FA2H: variants seen among roughly 807,000 people sequenced by gnomAD.
FA2H encodes the protein fatty acid alpha-hydroxylase.
In FA2H, 22 loss-of-function variants were observed where a neutral mutation model predicts 44.9. The observed-to-expected ratio is 0.49, with a 90% confidence interval of 0.35 to 0.70. The LOEUF is 0.70. FA2H is among the 30% of genes least tolerant of loss of function. The pLI, the probability that FA2H is intolerant of heterozygous loss-of-function variation, is 0.01. For missense variants in FA2H, 501 were observed against 504.9 expected (o/e 0.99, Z 0.07); for synonymous variants, 243 against 213.2 (o/e 1.14, Z -1.22).
chr16:74,730,880 T>C (rs1962058267), intron 2 of FA2H, among the ~76,000 whole-genome samples: 1 of 152,144 alleles, frequency 6.6e-6, no homozygotes, highest in Non-Finnish European at 1.5e-5. Flanking sequence ...CGAGGCTGAG[T>C]AATCTGCCCA....
At chr16:74,724,435 T>C (rs542131770) in intron 4 of FA2H, among the ~76,000 whole-genome samples, 46 of 152,316 alleles carry the variant, frequency 3.0e-4, no homozygotes, top group East Asian at 2.5e-3. Flanking sequence ...CATTTTCATG[T>C]GCGCATCTAG....
At chr16:74,736,767 C>T (rs1251861361) in intron 2 of FA2H, among the ~76,000 whole-genome samples, 4 of 152,262 alleles carry the variant, frequency 2.6e-5, no homozygotes, top group African/African-American at 9.6e-5. Context: ...CCTCCTCCCT[C>T]CCTCTGCCAC....
At chr16:74,750,366 A>C (rs987066472) in intron 1 of FA2H, among the ~76,000 whole-genome samples, 3 of 152,236 alleles carry the variant, frequency 2.0e-5, no homozygotes, top group African/African-American at 7.2e-5. Context: ...AAGACTATTG[A>C]TTTACAAACA....
At chr16:74,761,178 G>A (rs1161620887) in intron 1 of FA2H, among the ~76,000 whole-genome samples, 1 of 152,148 alleles carries the variant, frequency 6.6e-6, no homozygotes, top group Non-Finnish European at 1.5e-5. Context: ...AGGGTCGGGC[G>A]CGGTGGTTCA....
intron 2 of FA2H, among the ~76,000 whole-genome samples, chr16:74,734,372 G>A (rs1272844948): frequency 6.6e-6 from 1 of 152,278 alleles, no homozygotes; most frequent in Non-Finnish European, 1.5e-5. Flanking sequence ...AAACTGCTCT[G>A]GAATGAGCAG....
At chr16:74,733,288 G>A (rs1354219736) in intron 2 of FA2H, among the ~76,000 whole-genome samples, 1 of 152,150 alleles carries the variant, frequency 6.6e-6, no homozygotes, top group Non-Finnish European at 1.5e-5. Flanking sequence ...CCTCAGTCTC[G>A]CTATTCCAGG....
At chr16:74,752,738 C>T (rs531372726) in intron 1 of FA2H, among the ~76,000 whole-genome samples, 50 of 152,318 alleles carry the variant, frequency 3.3e-4, no homozygotes, top group Admixed American at 6.5e-4. Flanking sequence ...GAGCAGGAGG[C>T]AGCCCCGTGA....
At chr16:74,730,235 G>C (rs1334677144) in intron 2 of FA2H, among the ~76,000 whole-genome samples, 1 of 152,124 alleles carries the variant, frequency 6.6e-6, no homozygotes, top group Non-Finnish European at 1.5e-5. Flanking sequence ...CCAGGGTGAA[G>C]GGCCCAAAGG....
intron 4 of FA2H, among the ~76,000 whole-genome samples, chr16:74,720,077 G>A (rs1228367058): frequency 6.7e-6 from 1 of 149,910 alleles, no homozygotes; most frequent in Non-Finnish European, 1.5e-5. Context: ...GAGACAGCCT[G>A]CAGTCCTAGC....
chr16:74,741,697 G>A (rs1962298496), intron 1 of FA2H, among the ~76,000 whole-genome samples: 1 of 149,596 alleles, frequency 6.7e-6, no homozygotes, highest in Non-Finnish European at 1.5e-5. Flanking sequence ...CTGACCTCAG[G>A]TGATCTGCCC....
intron 1 of FA2H, among the ~76,000 whole-genome samples, chr16:74,745,245 T>G (rs771617514): frequency 6.6e-6 from 1 of 152,300 alleles, no homozygotes; most frequent in East Asian, 1.9e-4. Flanking sequence ...TACCTGTTGA[T>G]TGTATTCCAA....
At chr16:74,723,876 A>G (rs1243620128) in intron 4 of FA2H, among the ~76,000 whole-genome samples, 1 of 151,910 alleles carries the variant, frequency 6.6e-6, no homozygotes, top group East Asian at 1.9e-4. Context: ...ATGAGTATAT[A>G]CATTGTATTA....
At chr16:74,751,974 C>T (rs1962533298) in intron 1 of FA2H, among the ~76,000 whole-genome samples, 1 of 152,220 alleles carries the variant, frequency 6.6e-6, no homozygotes, top group African/African-American at 2.4e-5. Context: ...CATGGACACC[C>T]ACCCCAGTAT....
chr16:74,763,489 C>T (rs1413497349), intron 1 of FA2H, among the ~76,000 whole-genome samples: 1 of 152,178 alleles, frequency 6.6e-6, no homozygotes, highest in Admixed American at 6.5e-5. Flanking sequence ...AACTCCTGGC[C>T]TCAAGCGATC....
At chr16:74,774,403 G>A in intron 1 of FA2H, 83 bp downstream of exon 1, 2 of 1,347,938 alleles carry the variant, frequency 1.5e-6, no homozygotes, top group Non-Finnish European at 2.0e-6. Flanking sequence ...GGTCCTGCTA[G>A]AGGGCAAGTG....
chr16:74,729,267 C>G (rs1200934615), intron 2 of FA2H, among the ~76,000 whole-genome samples: 1 of 152,178 alleles, frequency 6.6e-6, no homozygotes, highest in African/African-American at 2.4e-5. Context: ...CCTCGGCCTC[C>G]CAAAGTGCTG....
rs549494397 is a variant in FA2H at position 74,744,983 on chromosome 16, C to T, written c.271-4868G>A. ...CTGGCTTTCACAGGAGTGATCAGCA[C>T]AAGTGTTGATGAGTGTGGCTTGACA... On this transcript the variant is annotated intron_variant, in intron 1 of 6. Transcript: ENST00000219368. Among the ~76,000 whole-genome samples, 125 of 152,292 alleles carry T rather than the reference C, an allele frequency of 8.2e-4. No individual in the cohort carries two copies. The South Asian group carries it at 0.013, about 15-fold the overall frequency.
At chr16:74,738,409 C>T (rs997618636) in intron 2 of FA2H, among the ~76,000 whole-genome samples, 8 of 152,112 alleles carry the variant, frequency 5.3e-5, no homozygotes, top group Non-Finnish European at 8.8e-5. Context: ...GGGCCGGGGT[C>T]AGCCCTGAAC....
intron 1 of FA2H, among the ~76,000 whole-genome samples, chr16:74,748,777 T>TG (rs1962475595): frequency 7.1e-6 from 1 of 141,774 alleles, no homozygotes; most frequent in South Asian, 2.6e-4. Context: ...GGGCGGGGGC[T>TG]GGGGGCGGGG....
Sources: gnomAD v4.1 joint callset for allele counts (sites outside exome capture counted in the v4.1 genomes callset) on GRCh38, gnomAD v4.1.1 for gene constraint, MANE v1.5 for transcripts, NCBI Gene and HGNC (gene_info 2026-07-23, HGNC 2026-07-21) for gene names.